TFEC: variants seen among roughly 807,000 people sequenced by gnomAD.
The protein encoded by TFEC is transcription factor EC.
In TFEC, 31 loss-of-function variants were observed where a neutral mutation model predicts 41.6. That is an observed-to-expected ratio of 0.74 (90% CI 0.56 to 1.01). TFEC has a LOEUF of 1.01. Ranked by LOEUF, TFEC falls within the 50% of genes least tolerant of loss-of-function variation. The probability of loss-of-function intolerance (pLI) is 0.00; values close to 1 mark genes in which losing one functional copy is unlikely to be tolerated. For missense variants in TFEC, 402 were observed against 404.1 expected (o/e 0.99, Z 0.04); for synonymous variants, 143 against 140.6 (o/e 1.02, Z -0.12).
At chr7:115,951,332 A>C (rs1791930320) in intron 5 of TFEC, among the ~76,000 whole-genome samples, 1 of 151,926 alleles carries the variant, frequency 6.6e-6, no homozygotes. Context: ...AACACTCTTT[A>C]CTCTTCTCAT....
At chr7:116,030,896 A>G, upstream of TFEC, 1 of 885,116 alleles carries the variant, frequency 1.1e-6, no homozygotes, top group Non-Finnish European at 1.4e-6. Context: ...AGTTAAGACG[A>G]CTTCCTTTCT....
intron 1 of TFEC, among the ~76,000 whole-genome samples, chr7:116,125,616 T>C (rs1374634084): frequency 6.6e-6 from 1 of 151,890 alleles, no homozygotes; most frequent in Non-Finnish European, 1.5e-5. Flanking sequence ...GTGACCGAGA[T>C]AGAGTGGAAG....
chr7:116,061,003 A>G (rs1391162367), intron 3 of TFEC, among the ~76,000 whole-genome samples: 1 of 152,176 alleles, frequency 6.6e-6, no homozygotes, highest in East Asian at 1.9e-4. Flanking sequence ...TACTGTGTTC[A>G]TGAGTCAGAA....
In TFEC at chr7:115,974,453, A is replaced by G. The variant is rs1402996632; in HGVS notation, c.181-197T>C. Among the ~76,000 whole-genome samples, 18 of 48,012 alleles carry G rather than the reference A, an allele frequency of 3.7e-4. 1 individual carries two copies. The highest frequency in any genetic ancestry group is 7.3e-4 in the African/African-American group (12 of 16,340). 31.5% of individuals were successfully genotyped at this position (48,012 alleles called of 152,430 possible). On this transcript the variant is annotated intron_variant, in intron 2 of 7. Transcript: ENST00000265440. ...ATATATATATATATATATATATAAA[A>G]ACACAGATTACTTTAGCATTGAAAA...
intron 1 of TFEC, among the ~76,000 whole-genome samples, chr7:116,142,550 A>T (rs544311267): frequency 6.6e-6 from 1 of 152,280 alleles, no homozygotes; most frequent in South Asian, 2.1e-4. Flanking sequence ...TTGGAATTGA[A>T]ACTTAGAGAA....
chr7:116,091,613 T>C (rs1279573495), intron 3 of TFEC, among the ~76,000 whole-genome samples: 1 of 152,136 alleles, frequency 6.6e-6, no homozygotes, highest in Non-Finnish European at 1.5e-5. Context: ...TAAACAAAGA[T>C]ATTTGGCTTC....
chr7:116,014,654 C>T (rs1056788687), intron 1 of TFEC, among the ~76,000 whole-genome samples: 2 of 152,048 alleles, frequency 1.3e-5, no homozygotes, highest in African/African-American at 2.4e-5. Context: ...TACCCTAGAA[C>T]CTGTGGATAA....
At chr7:116,119,063 T>C (rs1470761586) in intron 1 of TFEC, among the ~76,000 whole-genome samples, 3 of 151,968 alleles carry the variant, frequency 2.0e-5, no homozygotes, top group Admixed American at 1.3e-4. Context: ...GCAGCATTGA[T>C]CTTTAGAAAG....
intron 1 of TFEC, among the ~76,000 whole-genome samples, chr7:116,152,986 C>T (rs922396450): frequency 5.9e-5 from 9 of 152,084 alleles, no homozygotes; most frequent in African/African-American, 2.2e-4. Flanking sequence ...GACCCCACAC[C>T]ATATGTTCAA....
chr7:116,077,593 C>T (rs1796989212), intron 3 of TFEC, among the ~76,000 whole-genome samples: 1 of 151,800 alleles, frequency 6.6e-6, no homozygotes, highest in South Asian at 2.1e-4. Context: ...ATATTCCATG[C>T]AAATGGAAAC....
chr7:116,108,995 G>A (rs556203172), intron 3 of TFEC, among the ~76,000 whole-genome samples: 2 of 152,122 alleles, frequency 1.3e-5, no homozygotes, highest in African/African-American at 4.8e-5. Flanking sequence ...TTTAATAAAT[G>A]GTGCTGGGAA....
intron 6 of TFEC, among the ~76,000 whole-genome samples, chr7:115,950,442 T>C (rs1413076466): frequency 6.6e-6 from 1 of 152,172 alleles, no homozygotes; most frequent in Non-Finnish European, 1.5e-5. Flanking sequence ...ATTCCATTTG[T>C]TACTTGTGTG....
intron 1 of TFEC, among the ~76,000 whole-genome samples, chr7:116,118,135 GC>G (rs1798031360): frequency 6.6e-6 from 1 of 151,598 alleles, no homozygotes; most frequent in South Asian, 2.1e-4. Context: ...CAAAGTTATG[GC>G]CTGAAGCAAT....
At chr7:116,147,721 T>C (rs1422978699) in intron 1 of TFEC, among the ~76,000 whole-genome samples, 1 of 152,012 alleles carries the variant, frequency 6.6e-6, no homozygotes, top group African/African-American at 2.4e-5. Flanking sequence ...AATGGAAGAG[T>C]GGAAAGTAAT....
chr7:116,080,950 A>G (rs1562962466), intron 3 of TFEC, among the ~76,000 whole-genome samples: 1 of 151,118 alleles, frequency 6.6e-6, no homozygotes, highest in Non-Finnish European at 1.5e-5. Context: ...AATCCCCATC[A>G]ATCAACGAGT....
intron 1 of TFEC, among the ~76,000 whole-genome samples, chr7:116,008,199 T>C (rs1019612879): frequency 6.6e-6 from 1 of 152,218 alleles, no homozygotes; most frequent in Non-Finnish European, 1.5e-5. Flanking sequence ...ACTGTTATTA[T>C]AATAGCCAAT....
chr7:116,042,451 T>C (rs992910418), intron 3 of TFEC, among the ~76,000 whole-genome samples: 1 of 152,190 alleles, frequency 6.6e-6, no homozygotes, highest in Non-Finnish European at 1.5e-5. Flanking sequence ...GTTGAGCTAA[T>C]GTTATTTAAT....
chr7:116,018,979 T>C (rs1562936533), intron 1 of TFEC, among the ~76,000 whole-genome samples: 1 of 152,048 alleles, frequency 6.6e-6, no homozygotes, highest in Non-Finnish European at 1.5e-5. Flanking sequence ...CAGAAGTGAC[T>C]CTAATTATAA....
intron 2 of TFEC, among the ~76,000 whole-genome samples, chr7:115,982,475 C>T (rs1484277104): frequency 6.6e-6 from 1 of 152,108 alleles, no homozygotes; most frequent in Non-Finnish European, 1.5e-5. Flanking sequence ...TCCTAGCTAT[C>T]AAAGATAGTA....
Sources: gnomAD v4.1 joint callset for allele counts (sites outside exome capture counted in the v4.1 genomes callset) on GRCh38, gnomAD v4.1.1 for gene constraint, MANE v1.5 for transcripts, NCBI Gene and HGNC (gene_info 2026-07-23, HGNC 2026-07-21) for gene names.